The following PLA2R1 variants were observed in gnomAD, a reference collection of about 807,000 sequenced individuals.
PLA2R1 encodes the protein secretory phospholipase A2 receptor.
In PLA2R1, 158 loss-of-function variants were observed where a neutral mutation model predicts 195.9. The observed-to-expected ratio is 0.81, with a 90% CI of 0.71 to 0.92. PLA2R1 has a LOEUF of 0.92. Ranked by LOEUF, PLA2R1 falls within the 40% of genes least tolerant of loss-of-function variation. PLA2R1 has a pLI of 0.00. For synonymous variants in PLA2R1, 586 were observed against 598.2 expected (o/e 0.98, Z 0.30); for missense variants, 1,626 against 1,764.6 (o/e 0.92, Z 1.41).
At chr2:160,053,351 G>C (rs532128381) in intron 1 of PLA2R1, among the ~76,000 whole-genome samples, 11 of 94,050 alleles carry the variant, frequency 1.2e-4, no homozygotes, top group South Asian at 6.7e-4. Flanking sequence ...AATTTGGTGG[G>C]GGGGGGGGGA....
chr2:159,946,568 G>A, intron 27 of PLA2R1: 1 of 1,204,432 alleles, frequency 8.3e-7, no homozygotes, highest in Non-Finnish European at 1.0e-6. Flanking sequence ...TAAGGGTAAA[G>A]ATAAACATGT....
At chr2:159,987,066 A>AT (rs1690396878) in intron 12 of PLA2R1, 90 bp downstream of exon 12, 10 of 972,212 alleles carry the variant, frequency 1.0e-5, no homozygotes, top group Middle Eastern at 2.5e-4. Context: ...GGAAAAAAAA[A>AT]GGGCCCCGGA....
At position 159,967,521 on chromosome 2, in the gene PLA2R1, T is replaced by G. The variant is rs1688865696; in HGVS notation, c.2904+18A>C. The G allele has an allele frequency of 1.4e-5, 23 of 1,607,382 alleles. No individual in the cohort carries two copies. Among genetic ancestry groups the G allele is most frequent in the Non-Finnish European group, 2.0e-5 (23 of 1,177,088 alleles). On this transcript the variant is annotated intron_variant, in intron 20 of 29. Coordinates refer to ENST00000283243, the MANE Select transcript of PLA2R1 (RefSeq NM_007366.5). ...CTACAAAAGAGAAACAAAGGCAACTTTTGAAAAACAAGCTTACCTTATAGT... is the reference window on the plus strand; with the variant it reads ...CTACAAAAGAGAAACAAAGGCAACTGTTGAAAAACAAGCTTACCTTATAGT...
At chr2:160,019,699 T>C (rs1302524252) in intron 8 of PLA2R1, among the ~76,000 whole-genome samples, 3 of 152,238 alleles carry the variant, frequency 2.0e-5, no homozygotes, top group Admixed American at 2.0e-4. Flanking sequence ...TCCTCACCAC[T>C]GGTCTCCTTT....
chr2:160,046,289 T>C (rs968773268), intron 1 of PLA2R1, among the ~76,000 whole-genome samples: 1 of 152,224 alleles, frequency 6.6e-6, no homozygotes, highest in Non-Finnish European at 1.5e-5. Context: ...GGCGCTCTTT[T>C]GTTCTCCCAG....
Position 159,976,697 on chromosome 2 carries a change from A to G in PLA2R1, c.2425T>C (p.Trp809Arg), listed in dbSNP as rs1689582269. ...PRDVKPKIPF[W>R]YQYDVPWLFY... The stretch of plus-strand genomic sequence containing the variant: ...GAGTCATTCTTACCGTACTGGTACC[A>G]GAACGGAATCTTGGGTTTCACATCT... Residue 809 changes from tryptophan (W) to arginine (R), a missense_variant, in exon 16 of 30, where the codon TGG becomes CGG. Physicochemically the swap from Trp to Arg is moderately radical, Grantham distance 101. Coordinates refer to ENST00000283243, the MANE Select transcript of PLA2R1 (RefSeq NM_007366.5). 1.2e-6 allele frequency: 2 copies of G among 1,609,250 alleles called. No homozygotes were observed. Among genetic ancestry groups the G allele is most frequent in the Middle Eastern group, 1.7e-4 (1 of 6,052 alleles).
chr2:160,032,883 A>AT lies in PLA2R1; in HGVS notation c.841+75dup. The AT allele has an allele frequency of 3.7e-6, 4 of 1,089,002 alleles. No homozygotes were observed. The South Asian group carries it at 5.9e-5, about 16-fold the overall frequency. 67.5% of individuals were successfully genotyped at this position (1,089,002 alleles called of 1,614,324 possible). On this transcript the variant is annotated intron_variant, in intron 4 of 29. Coordinates refer to ENST00000283243, the MANE Select transcript of PLA2R1 (RefSeq NM_007366.5). ...TTTTAAGAACTTTTTGTCAGAATAT[A>AT]TTTTTGTATATGTGAAAACAGTTAA...
chr2:160,025,326 G>A (rs907364347), intron 6 of PLA2R1, among the ~76,000 whole-genome samples: 2 of 151,836 alleles, frequency 1.3e-5, no homozygotes, highest in African/African-American at 4.8e-5. Context: ...ATTCCAGCCT[G>A]GGCAACAGTG....
At chr2:160,020,704 C>T (rs1033170866) in intron 7 of PLA2R1, among the ~76,000 whole-genome samples, 2 of 152,162 alleles carry the variant, frequency 1.3e-5, no homozygotes, top group Non-Finnish European at 2.9e-5. Context: ...GCAGAGAATC[C>T]CCACCAGCAA....
At chr2:159,928,685 A>C (rs1367284911), downstream of PLA2R1, among the ~76,000 whole-genome samples, 1 of 152,166 alleles carries the variant, frequency 6.6e-6, no homozygotes, top group South Asian at 2.1e-4. Flanking sequence ...CCAAAAAAGA[A>C]CCCACATAGC....
chr2:160,012,868 C>A lies in PLA2R1; in HGVS notation c.1664+395G>T, dbSNP rs535926058. 2.4e-4 allele frequency among the ~76,000 whole-genome samples: 36 copies of A among 151,984 alleles called. 1 individual carries two copies. In the South Asian group the frequency reaches 7.3e-3, roughly 31 times the overall value. Reference sequence around the variant, plus strand: ...TGGAGGTTGCAGTGAGCTGAGACTGCACCACTGCACTCCAGCCTGGGCAAC... The same window carrying A: ...TGGAGGTTGCAGTGAGCTGAGACTGAACCACTGCACTCCAGCCTGGGCAAC... On this transcript the variant is annotated intron_variant, in intron 10 of 29. Transcript: ENST00000283243.
chr2:160,041,932 T>C, intron 3 of PLA2R1, 93 bp downstream of exon 3: 1 of 1,002,660 alleles, frequency 1.0e-6, no homozygotes, highest in Non-Finnish European at 1.5e-6. Context: ...GACTTCAATA[T>C]ATCAATCCCA....
At chr2:159,963,974 C>A (rs1000769592) in intron 20 of PLA2R1, among the ~76,000 whole-genome samples, 6 of 152,032 alleles carry the variant, frequency 3.9e-5, no homozygotes, top group African/African-American at 1.4e-4. Flanking sequence ...TGAAAACAAC[C>A]CAAGTGCGCA....
intron 17 of PLA2R1, among the ~76,000 whole-genome samples, chr2:159,971,041 T>C (rs1306360948): frequency 1.3e-5 from 2 of 152,242 alleles, no homozygotes; most frequent in Non-Finnish European, 1.5e-5. Context: ...CCATGGCATA[T>C]GTATACCTAT....
chr2:159,973,669 C>T (rs1689340008), intron 17 of PLA2R1, among the ~76,000 whole-genome samples: 2 of 152,100 alleles, frequency 1.3e-5, no homozygotes, highest in Admixed American at 6.5e-5. Flanking sequence ...TTGTAAGCTG[C>T]GTAGTCTATA....
rs1400859985 is a variant in PLA2R1 at position 159,932,023 on chromosome 2, C to T, written c.*9755G>A. On this transcript the variant is annotated 3_prime_UTR_variant, in exon 30 of 30. Coordinates refer to ENST00000283243, the MANE Select transcript of PLA2R1 (RefSeq NM_007366.5). The stretch of plus-strand genomic sequence containing the variant: ...AATATAGGTTATTATTTAAGTGTAA[C>T]GTTAACTTTACTTATTAATATGCAA... 2 of 152,126 alleles carry T rather than the reference C, an allele frequency of 1.3e-5. No individual in the cohort carries two copies. The highest frequency in any genetic ancestry group is 1.5e-5 in the Non-Finnish European group (1 of 68,018). The allele number at this position is 152,126 out of a possible 1,614,324, so 9.4% of individuals were successfully genotyped here.
At chr2:160,030,650 T>C (rs927878028) in intron 4 of PLA2R1, among the ~76,000 whole-genome samples, 1 of 152,190 alleles carries the variant, frequency 6.6e-6, no homozygotes, top group African/African-American at 2.4e-5. Context: ...GATACTGTAA[T>C]AAGAAACTCG....
chr2:159,970,092 T>C, intron 18 of PLA2R1, 56 bp downstream of exon 18: 1 of 1,120,546 alleles, frequency 8.9e-7, no homozygotes, highest in East Asian at 2.4e-5. Context: ...AATCTAATCA[T>C]TCTGCAAATA....
intron 12 of PLA2R1, among the ~76,000 whole-genome samples, chr2:159,984,465 T>C (rs1339238729): frequency 6.6e-6 from 1 of 152,204 alleles, no homozygotes; most frequent in African/African-American, 2.4e-5. Context: ...GAGCTAGAAT[T>C]AGACCTACAA....
Sources: gnomAD v4.1 joint callset for allele counts (sites outside exome capture counted in the v4.1 genomes callset) on GRCh38, gnomAD v4.1.1 for gene constraint, MANE v1.5 for transcripts, NCBI Gene and HGNC (gene_info 2026-07-23, HGNC 2026-07-21) for gene names.